The following CFAP47 variants were observed in gnomAD, a reference collection of about 807,000 sequenced individuals.
CFAP47 encodes the protein cilia- and flagella-associated protein 47.
Under a neutral mutation model 148.1 loss-of-function variants are expected in CFAP47, and 29 were observed. The ratio of observed to expected loss-of-function variants is 0.20; its 90% CI spans 0.15 to 0.27. The LOEUF (loss-of-function observed/expected upper bound fraction) is 0.27, where lower values mean the gene tolerates loss of function less well. Ranked by LOEUF, CFAP47 falls within the 10% of genes least tolerant of loss-of-function variation. CFAP47 has a pLI of 1.00. For missense variants in CFAP47, 1,872 were observed against 1,697.5 expected, an observed-to-expected ratio of 1.10 and a Z score of -1.81; for synonymous variants, 664 against 577.3, an observed-to-expected ratio of 1.15 and a Z score of -2.15.
At chrX:36,179,588 T>A (rs1338004331) in intron 40 of CFAP47, among the ~76,000 whole-genome samples, 166 bp downstream of exon 40, 1 of 111,939 alleles carries the variant, frequency 8.9e-6, no homozygotes, top group Non-Finnish European at 1.9e-5. Flanking sequence ...GTTACTAGAT[T>A]CATGTGCATA....
In CFAP47 at chrX:35,924,254, GACATGTATGTGT is replaced by G. The variant is rs765496066; in HGVS notation, c.250-1749_250-1738del. 1.5e-4 allele frequency among the ~76,000 whole-genome samples: 12 copies of G among 78,260 alleles called. No individual in the cohort carries two copies. In the South Asian group the frequency reaches 4.6e-3, roughly 30 times the overall value. The allele number at this position is 78,260 out of a possible 115,157, so 68.0% of individuals were successfully genotyped here. A position where few individuals can be genotyped will look rare whatever the true frequency, so the allele number is the denominator to read the frequency against. On this transcript the variant is annotated intron_variant, in intron 1 of 63. Transcript: ENST00000378653. ...ATATGGACATGTATGTGTGCATATG[GACATGTATGTGT>G]ACATGTATGTGTATATGTACATGTA...
intron 45 of CFAP47, among the ~76,000 whole-genome samples, chrX:36,216,780 G>T (rs907275537): frequency 3.6e-5 from 4 of 111,225 alleles, no homozygotes; most frequent in Non-Finnish European, 7.5e-5. Flanking sequence ...CACAAGACCA[G>T]ATGAGCCAGT....
chrX:36,050,090 T>G (rs1937512716), intron 26 of CFAP47, among the ~76,000 whole-genome samples: 2 of 111,745 alleles, frequency 1.8e-5, no homozygotes, highest in Admixed American at 1.9e-4. Context: ...ATTAAACCTC[T>G]TTTTCTTCAT....
In CFAP47 at chrX:36,233,714, G is replaced by T. The variant is rs181888310; in HGVS notation, c.7015-2220G>T. Among the ~76,000 whole-genome samples the T allele has an allele frequency of 9.2e-3, 1,029 of 111,294 alleles. 11 individuals are homozygous for T. The highest frequency in any genetic ancestry group is 0.032 in the African/African-American group (970 of 30,522). On this transcript the variant is annotated intron_variant, in intron 46 of 63. Coordinates refer to ENST00000378653, the MANE Select transcript of CFAP47 (RefSeq NM_001304548.2). ...GATGCAGTTTCTTCCTAGCCTTGAC[G>T]GTCTTTACAATTTGGCATGATTTTG...
Position 35,975,842 on chromosome X carries a change from G to C in CFAP47, c.2642G>C (p.Cys881Ser). Reference sequence around the variant, plus strand: ...GTTAGATTGTATAATCGTCAGAATTGTTGTGCTCAGTTTCAATGGCAACCC... The same window carrying C: ...GTTAGATTGTATAATCGTCAGAATTCTTGTGCTCAGTTTCAATGGCAACCC... The part of the protein sequence containing the change: ...GTVRLYNRQN[C>S]CAQFQWQPVN... Residue 881 changes from cysteine (C) to serine (S), a missense_variant, in exon 15 of 64, where the codon TGT becomes TCT. Transcript: ENST00000378653. 1 of 1,208,238 alleles carries C rather than the reference G, an allele frequency of 8.3e-7. No individual in the cohort carries two copies. The highest frequency in any genetic ancestry group is 1.1e-6 in the Non-Finnish European group (1 of 892,404).
chrX:36,139,399 T>C (rs985197962), intron 35 of CFAP47, among the ~76,000 whole-genome samples: 1 of 111,526 alleles, frequency 9.0e-6, no homozygotes, highest in Non-Finnish European at 1.9e-5. Flanking sequence ...AACAGAGACA[T>C]AGGCATATAC....
At position 36,270,995 on chromosome X, in the gene CFAP47, G is replaced by A. The variant is rs782111958; in HGVS notation, c.7445-9492G>A. Among the ~76,000 whole-genome samples, 166 of 110,073 alleles carry A rather than the reference G, an allele frequency of 1.5e-3. 1 individual carries two copies. Among genetic ancestry groups the A allele is most frequent in the African/African-American group, 4.9e-3 (147 of 30,288 alleles). ...TGTTTTTCATCAGCCATGTAATTTT[G>A]TTTTTCCCACCTTGCTGTTTTGGTC... On this transcript the variant is annotated intron_variant, in intron 49 of 63. Coordinates refer to ENST00000378653, the MANE Select transcript of CFAP47 (RefSeq NM_001304548.2).
intron 39 of CFAP47, 111 bp downstream of exon 39, chrX:36,160,880 C>T (rs1182714952): frequency 1.3e-5 from 3 of 228,257 alleles, no homozygotes; most frequent in African/African-American, 1.0e-4. Context: ...GAGACAGTCT[C>T]GCTCTGTGGT....
At chrX:36,280,779 C>T in intron 50 of CFAP47, 149 bp downstream of exon 50, 1 of 317,412 alleles carries the variant, frequency 3.2e-6, no homozygotes, top group East Asian at 4.8e-5. Flanking sequence ...TCAGTATTAA[C>T]TATATGTAGC....
Position 36,280,571 on chromosome X carries a change from C to A in CFAP47, c.7529C>A (p.Ala2510Asp). 1 of 508,580 alleles carries A rather than the reference C, an allele frequency of 2.0e-6. No homozygotes were observed. The allele number at this position is 508,580 out of a possible 1,213,427, so 41.9% of individuals were successfully genotyped here. A position where few individuals can be genotyped will look rare whatever the true frequency, so the allele number is the denominator to read the frequency against. The change falls in exon 50 of 64, where the codon GCC becomes GAC. Residue 2510 changes from alanine to aspartate, a missense_variant. By Grantham distance (126) the Ala-to-Asp change is moderately radical. Coordinates refer to ENST00000378653, the MANE Select transcript of CFAP47 (RefSeq NM_001304548.2). ...DYEEDTDQDQ[A>D]LSCLDSITEQ... ...GAGGAAGACACAGATCAAGATCAAG[C>A]CCTCTCCTGTCTTGATTCAATAACA...
chrX:36,257,301 G>A lies in CFAP47; in HGVS notation c.7444+5857G>A, dbSNP rs59688400. On this transcript the variant is annotated intron_variant, in intron 49 of 63. Coordinates refer to ENST00000378653, the MANE Select transcript of CFAP47 (RefSeq NM_001304548.2). ...TAACAAGAATAATTTATTGAATTAT[G>A]AGCCATTTAAGCATATGAACAAAAC... Among the ~76,000 whole-genome samples the A allele has an allele frequency of 4.7e-3, 530 of 111,936 alleles. 2 individuals are homozygous for A. Among genetic ancestry groups the A allele is most frequent in the African/African-American group, 0.017 (515 of 30,856 alleles).
At position 36,039,037 on chromosome X, in the gene CFAP47, G is replaced by A; in HGVS notation, c.3865G>A (p.Val1289Ile). The A allele has an allele frequency of 3.5e-6, 4 of 1,135,596 alleles. No homozygotes were observed. Among genetic ancestry groups the A allele is most frequent in the Non-Finnish European group, 4.7e-6 (4 of 850,071 alleles). The allele number at this position is 1,135,596 out of a possible 1,213,427, so 93.6% of individuals were successfully genotyped here. A position where few individuals can be genotyped will look rare whatever the true frequency, so the allele number is the denominator to read the frequency against. Reference sequence around the variant, plus strand: ...TCCTATGCTTTTAAATTATATTCCAGTTTGCTATAAAATATTACATCTTAC... The same window carrying A: ...TCCTATGCTTTTAAATTATATTCCAATTTGCTATAAAATATTACATCTTAC... Reference protein sequence around the residue: ...DIPMLLNYIPVCYKILHLTGE... With the variant: ...DIPMLLNYIPICYKILHLTGE... Residue 1289 changes from valine (V) to isoleucine (I), a missense_variant, in exon 25 of 64, where the codon GTT becomes ATT. Transcript: ENST00000378653.
intron 28 of CFAP47, among the ~76,000 whole-genome samples, chrX:36,072,749 A>G (rs904557542): frequency 4.5e-5 from 5 of 111,569 alleles, no homozygotes; most frequent in Non-Finnish European, 9.4e-5. Context: ...TGGGATCTAA[A>G]CCAATATTGT....
At chrX:36,181,390 A>G (rs775087097) in intron 40 of CFAP47, among the ~76,000 whole-genome samples, 1 of 111,544 alleles carries the variant, frequency 9.0e-6, no homozygotes, top group African/African-American at 3.3e-5. Context: ...AAGAAAATAG[A>G]GCAAACAATT....
Position 35,956,012 on chromosome X carries a change from T to C in CFAP47, c.1226T>C (p.Val409Ala). The C allele has an allele frequency of 8.3e-7, 1 of 1,212,048 alleles. No individual in the cohort carries two copies. Among genetic ancestry groups the C allele is most frequent in the Non-Finnish European group, 1.1e-6 (1 of 895,548 alleles). Residue 409 changes from valine (V) to alanine (A), a missense_variant, in exon 8 of 64, where the codon GTT becomes GCT. Physicochemically the swap from Val to Ala is moderately conservative, Grantham distance 64 (BLOSUM62 0). Transcript: ENST00000378653. ...ELALTGTGLP[V>A]LLQFDPGPVL... Reference sequence around the variant, plus strand: ...GCACTGACAGGCACAGGACTTCCTGTTTTACTACAGTTTGATCCAGGACCA... The same window carrying C: ...GCACTGACAGGCACAGGACTTCCTGCTTTACTACAGTTTGATCCAGGACCA...
chrX:36,190,190 CA>C lies in CFAP47; in HGVS notation c.6320del (p.Lys2107ArgfsTer5). ...GCTACTGTGTCATCATCTTGAGCAA[CA>C]AAAAGGTGAGAACAGAATTGTGATC... ...VRYCVIILSN[K>X]KIGQLIYVAE... is the part of the protein sequence containing the mutation. On this transcript the variant is annotated frameshift_variant, in exon 42 of 64. Coordinates refer to ENST00000378653, the MANE Select transcript of CFAP47 (RefSeq NM_001304548.2). LOFTEE classifies it high-confidence loss of function. 1 of 297,381 alleles carries C rather than the reference CA, an allele frequency of 3.4e-6. No homozygotes were observed. The highest frequency in any genetic ancestry group is 5.9e-6 in the Non-Finnish European group (1 of 169,927). 24.5% of individuals were successfully genotyped at this position (297,381 alleles called of 1,213,427 possible). A position where few individuals can be genotyped will look rare whatever the true frequency, so the allele number is the denominator to read the frequency against.
chrX:36,079,658 G>A (rs2146769973), intron 29 of CFAP47, among the ~76,000 whole-genome samples: 1 of 111,650 alleles, frequency 9.0e-6, no homozygotes, highest in Admixed American at 9.6e-5. Context: ...TGTTATTACT[G>A]ACTTTCTGAA....
chrX:36,228,911 T>C (rs1555991938), intron 46 of CFAP47, 87 bp downstream of exon 46: 2 of 449,707 alleles, frequency 4.4e-6, no homozygotes, highest in Non-Finnish European at 7.9e-6. Context: ...CTTGGACTAT[T>C]ACAAATTTCT....
intron 15 of CFAP47, among the ~76,000 whole-genome samples, chrX:35,981,343 A>C (rs1410864110): frequency 9.4e-6 from 1 of 105,965 alleles, no homozygotes; most frequent in Non-Finnish European, 1.9e-5. Context: ...GTATCAAATA[A>C]AAAGGCAAGG....
Sources: gnomAD v4.1 joint callset for allele counts (sites outside exome capture counted in the v4.1 genomes callset) on GRCh38, gnomAD v4.1.1 for gene constraint, MANE v1.5 for transcripts, NCBI Gene and HGNC (gene_info 2026-07-23, HGNC 2026-07-21) for gene names.